PLSCR2: variants seen among roughly 807,000 people sequenced by gnomAD.
The protein encoded by PLSCR2 is PL scramblase 2.
In PLSCR2, 18 loss-of-function variants were observed where a neutral mutation model predicts 25.3. The observed-to-expected ratio is 0.71, with a 90% CI of 0.49 to 1.06. The LOEUF (loss-of-function observed/expected upper bound fraction) is 1.06, where lower values mean the gene tolerates loss of function less well. Among genes scored for constraint, PLSCR2 ranks in the 50% least tolerant of loss-of-function variants. The pLI, the probability that PLSCR2 is intolerant of heterozygous loss-of-function variation, is 0.00. For missense variants in PLSCR2, 243 were observed against 269.5 expected, an observed-to-expected ratio of 0.90 and a Z score of 0.69; for synonymous variants, 88 against 87.3, an observed-to-expected ratio of 1.01 and a Z score of -0.04.
At chr3:146,481,483 C>A (rs533961052) in intron 1 of PLSCR2, among the ~76,000 whole-genome samples, 186 of 152,240 alleles carry the variant, frequency 1.2e-3, no homozygotes, top group African/African-American at 3.5e-3. Context: ...TTCACAATTG[C>A]TACAAACAGA....
chr3:146,453,550 C>T (rs2041021693), intron 5 of PLSCR2, among the ~76,000 whole-genome samples: 1 of 152,024 alleles, frequency 6.6e-6, no homozygotes, highest in African/African-American at 2.4e-5. Context: ...CACTGACTTT[C>T]TCAAAACTAT....
intron 1 of PLSCR2, among the ~76,000 whole-genome samples, chr3:146,478,258 A>G (rs1329545625): frequency 3.9e-5 from 6 of 152,222 alleles, no homozygotes; most frequent in Non-Finnish European, 8.8e-5. Context: ...TGACAGAAAT[A>G]GGCTTCAGAA....
At chr3:146,460,314 T>C (rs1403641) in exon 1 of PLSCR2, 449,111 of 772,048 alleles carry the variant, frequency 0.58, 132,469 homozygotes, top group South Asian at 0.76. Context: ...AGAGCTTTAC[T>C]TTTACTATGT....
At chr3:146,401,773 T>C (rs1576559835) in intron 2 of PLSCR2, among the ~76,000 whole-genome samples, 1 of 152,204 alleles carries the variant, frequency 6.6e-6, no homozygotes, top group South Asian at 2.1e-4. Flanking sequence ...GCTAAAATTC[T>C]ATGCATAACT....
intron 1 of PLSCR2, among the ~76,000 whole-genome samples, chr3:146,494,291 CT>C (rs1199070193): frequency 6.6e-6 from 1 of 152,032 alleles, no homozygotes; most frequent in East Asian, 1.9e-4. Context: ...TATGTCACAT[CT>C]ATGTATAATG....
intron 2 of PLSCR2, chr3:146,401,449 A>G (rs542034642): frequency 2.0e-4 from 31 of 152,652 alleles, no homozygotes; most frequent in Admixed American, 1.8e-3. Flanking sequence ...GGGCTTGAAA[A>G]TCCACAAAGG....
intron 2 of PLSCR2, among the ~76,000 whole-genome samples, chr3:146,422,849 A>T (rs1158123471): frequency 6.6e-6 from 1 of 152,104 alleles, no homozygotes; most frequent in Non-Finnish European, 1.5e-5. Context: ...TTCTCCAAAC[A>T]TTAACTCCCA....
chr3:146,413,305 G>T (rs1410765666), intron 2 of PLSCR2, among the ~76,000 whole-genome samples: 2 of 152,064 alleles, frequency 1.3e-5, no homozygotes, highest in Admixed American at 1.3e-4. Flanking sequence ...GTAAACCACT[G>T]CTTGGCTACA....
downstream of PLSCR2, among the ~76,000 whole-genome samples, chr3:146,439,483 CT>C (rs2040101878): frequency 6.6e-6 from 1 of 152,106 alleles, no homozygotes; most frequent in South Asian, 2.1e-4. Context: ...TCTTTTTGCT[CT>C]TTTTCTCTAA....
intron 2 of PLSCR2, among the ~76,000 whole-genome samples, chr3:146,421,574 C>T (rs929780975): frequency 1.2e-4 from 18 of 152,018 alleles, no homozygotes; most frequent in African/African-American, 1.2e-4. Flanking sequence ...TAAGTTGAAA[C>T]GGTTTGGTCC....
At chr3:146,495,983 G>C (rs1335575311), upstream of PLSCR2, 1 of 1,345,688 alleles carries the variant, frequency 7.4e-7, no homozygotes, top group East Asian at 2.5e-5. Context: ...ATCTAAGATG[G>C]GCAGATACAA....
At chr3:146,461,709 G>A (rs2041584027), upstream of PLSCR2, 2 of 592,374 alleles carry the variant, frequency 3.4e-6, no homozygotes, top group Non-Finnish European at 6.0e-6. Context: ...GCATGTTCGT[G>A]AGAGAGGAGA....
chr3:146,417,153 T>G (rs1202455158), intron 2 of PLSCR2, among the ~76,000 whole-genome samples: 1 of 152,216 alleles, frequency 6.6e-6, no homozygotes, highest in African/African-American at 2.4e-5. Flanking sequence ...TTATTCTCTG[T>G]GTTTTCCTTA....
chr3:146,472,870 A>G (rs570349487), intron 1 of PLSCR2, among the ~76,000 whole-genome samples: 12 of 152,346 alleles, frequency 7.9e-5, no homozygotes, highest in Admixed American at 7.2e-4. Flanking sequence ...GTCCAAGGAC[A>G]GGGAACCAGT....
Position 146,412,472 on chromosome 3 carries a change from C to T in PLSCR2, c.101-16551G>A, listed in dbSNP as rs569587847. On this transcript the variant is annotated intron_variant and NMD_transcript_variant, in intron 2 of 3. Coordinates refer to the PLSCR2 transcript ENST00000463633. ...ATGTCACCAGTGCTTACCACTCGTGCCCTCTGGAGTTGCAGCATGAGTTGC... is the reference window on the plus strand; with the variant it reads ...ATGTCACCAGTGCTTACCACTCGTGTCCTCTGGAGTTGCAGCATGAGTTGC... Among the ~76,000 whole-genome samples, 14 of 152,254 alleles carry T rather than the reference C, an allele frequency of 9.2e-5. No individual in the cohort carries two copies. In the South Asian group the frequency reaches 2.9e-3, roughly 32 times the overall value.
chr3:146,472,864 A>T (rs2042163697), intron 1 of PLSCR2, among the ~76,000 whole-genome samples: 1 of 152,234 alleles, frequency 6.6e-6, no homozygotes, highest in South Asian at 2.1e-4. Context: ...TGAGAAGTCC[A>T]AGGACAGGGA....
chr3:146,454,282 A>AC lies in PLSCR2; in HGVS notation c.322-120dup. On this transcript the variant is annotated intron_variant, in intron 4 of 6. Coordinates refer to ENST00000610787, the Ensembl canonical transcript of PLSCR2. The stretch of plus-strand genomic sequence containing the variant: ...ACATTGTAAGTGAGGACTTCCTAGG[A>AC]CTTTTTTTTTAAAGATTGAATAAGG... 3.2e-6 allele frequency: 2 copies of AC among 624,680 alleles called. 1 individual carries two copies. The highest frequency in any genetic ancestry group is 8.6e-4 in the Middle Eastern group (2 of 2,324). The allele number at this position is 624,680 out of a possible 1,614,324, so 38.7% of individuals were successfully genotyped here.
upstream of PLSCR2, among the ~76,000 whole-genome samples, chr3:146,460,443 G>GAAAAAAAAAAAAAAAAAAAAA (rs59446001): frequency 7.5e-6 from 1 of 133,772 alleles, no homozygotes; most frequent in Non-Finnish European, 1.6e-5. Flanking sequence ...GATGAAATTG[G>GAAAAAAAAAAAAAAAAAAAAA]AAAAAAAAAA....
At position 146,469,347 on chromosome 3, in the gene PLSCR2, C is replaced by T. The variant is rs113884819; in HGVS notation, c.-292-9063G>A. ...CGCCTGGGGCCCCTTGCCGAGTTTC[C>T]GTTCCACTTCAGGTGTCGCTTCCCG... On this transcript the variant is annotated intron_variant, in intron 1 of 8. Transcript: ENST00000336685. 6.4e-3 allele frequency: 6,291 copies of T among 976,840 alleles called. 50 individuals are homozygous for T. Among genetic ancestry groups the T allele is most frequent in the African/African-American group, 0.023 (1,340 of 57,224 alleles). 60.5% of individuals were successfully genotyped at this position (976,840 alleles called of 1,614,324 possible).
Sources: allele counts gnomAD v4.1 joint callset (sites outside exome capture counted in the v4.1 genomes callset), GRCh38; gene constraint gnomAD v4.1.1; transcripts MANE v1.5; gene names NCBI Gene and HGNC (gene_info 2026-07-23, HGNC 2026-07-21).